MAGI2: variants seen among roughly 807,000 people sequenced by gnomAD.
MAGI2 encodes the protein membrane associated guanylate kinase, WW and PDZ domain containing 2, also known as membrane-associated guanylate kinase, WW and PDZ domain-containing protein 2.
In MAGI2, 35 loss-of-function variants were observed where a neutral mutation model predicts 133.3. That is an observed-to-expected ratio of 0.26 (90% CI 0.20 to 0.35). The LOEUF (loss-of-function observed/expected upper bound fraction) is 0.35. MAGI2 is among the 10% of genes least tolerant of loss of function. MAGI2 has a pLI of 1.00. For synonymous variants in MAGI2, 729 were observed against 710.6 expected, an observed-to-expected ratio of 1.03 and a Z score of -0.41; for missense variants, 1,636 against 1,863.4, an observed-to-expected ratio of 0.88 and a Z score of 2.25.
chr7:78,846,972 A>G (rs1792673212), intron 2 of MAGI2, among the ~76,000 whole-genome samples: 1 of 151,930 alleles, frequency 6.6e-6, no homozygotes, highest in South Asian at 2.1e-4. Context: ...TCCCAACCCC[A>G]ACTTTCTCCC....
intron 1 of MAGI2, among the ~76,000 whole-genome samples, chr7:79,252,060 G>T (rs938895957): frequency 6.7e-6 from 1 of 149,656 alleles, no homozygotes; most frequent in African/African-American, 2.5e-5. Context: ...ATGATGCTGA[G>T]ATGGGAGGAT....
intron 2 of MAGI2, among the ~76,000 whole-genome samples, chr7:78,841,477 G>T (rs1330497): frequency 0.22 from 33,431 of 151,688 alleles, 4,129 homozygotes; most frequent in South Asian, 0.45. Flanking sequence ...CACTGTTTCT[G>T]GGAGATCTCA....
At chr7:78,373,401 C>T (rs1478719555) in intron 6 of MAGI2, among the ~76,000 whole-genome samples, 1 of 152,072 alleles carries the variant, frequency 6.6e-6, no homozygotes, top group Non-Finnish European at 1.5e-5. Context: ...ATGTTAATTT[C>T]CTGGGTTCAA....
intron 2 of MAGI2, among the ~76,000 whole-genome samples, chr7:78,699,372 A>C (rs1025515325): frequency 2.0e-5 from 3 of 152,170 alleles, no homozygotes; most frequent in Non-Finnish European, 4.4e-5. Flanking sequence ...AAGTGCTGGG[A>C]TTACTAGTGT....
intron 6 of MAGI2, chr7:78,486,827 C>A: frequency 2.2e-6 from 1 of 460,120 alleles, no homozygotes; most frequent in South Asian, 1.7e-5. Context: ...ATTGCTGTCC[C>A]TGAGCTCGAC....
intron 1 of MAGI2, among the ~76,000 whole-genome samples, chr7:79,310,181 A>AAC (rs1838162153): frequency 7.2e-6 from 1 of 138,156 alleles, no homozygotes; most frequent in Admixed American, 7.0e-5. Context: ...AAAAAAAAAA[A>AAC]AAAAAAAAAA....
chr7:79,010,777 A>C (rs1342073799), intron 1 of MAGI2: 1 of 152,128 alleles, frequency 6.6e-6, no homozygotes, highest in Non-Finnish European at 1.5e-5. Flanking sequence ...AGTTATGTGA[A>C]AAAAATTTTA....
At chr7:78,166,870 A>G (rs987761380) in intron 15 of MAGI2, among the ~76,000 whole-genome samples, 5 of 152,162 alleles carry the variant, frequency 3.3e-5, no homozygotes, top group Non-Finnish European at 7.4e-5. Flanking sequence ...AACATAAAGA[A>G]ATAAGCACTG....
chr7:78,706,754 A>G (rs1172537793), intron 2 of MAGI2, among the ~76,000 whole-genome samples: 4 of 152,124 alleles, frequency 2.6e-5, no homozygotes, highest in African/African-American at 9.7e-5. Context: ...TGGCAAAGGT[A>G]GTGAAACTGC....
intron 2 of MAGI2, among the ~76,000 whole-genome samples, chr7:78,888,512 G>A (rs1169499617): frequency 6.6e-6 from 1 of 152,162 alleles, no homozygotes; most frequent in Non-Finnish European, 1.5e-5. Flanking sequence ...ACATGGCCGG[G>A]TACTCCTCTG....
intron 14 of MAGI2, among the ~76,000 whole-genome samples, chr7:78,174,555 T>G (rs1213926378): frequency 6.6e-6 from 1 of 152,210 alleles, no homozygotes; most frequent in East Asian, 1.9e-4. Flanking sequence ...CATAAATAAT[T>G]TGGTCTCAGC....
intron 6 of MAGI2, among the ~76,000 whole-genome samples, chr7:78,417,392 A>T (rs1171222267): frequency 6.6e-6 from 1 of 151,952 alleles, no homozygotes; most frequent in Non-Finnish European, 1.5e-5. Flanking sequence ...AGGAATTCAC[A>T]TTCACAGATC....
At chr7:78,469,071 G>A (rs567131494) in intron 6 of MAGI2, among the ~76,000 whole-genome samples, 5 of 152,020 alleles carry the variant, frequency 3.3e-5, no homozygotes, top group Admixed American at 6.6e-5. Context: ...AATCGTCTGG[G>A]GAACTTCATA....
intron 1 of MAGI2, among the ~76,000 whole-genome samples, chr7:79,266,296 A>G (rs990551562): frequency 2.3e-5 from 3 of 132,242 alleles, no homozygotes; most frequent in South Asian, 4.9e-4. Context: ...AAAAGTCTTC[A>G]TATACTAACG....
chr7:79,317,828 C>T (rs17152233), intron 1 of MAGI2, among the ~76,000 whole-genome samples: 5,341 of 151,696 alleles, frequency 0.035, 295 homozygotes, highest in African/African-American at 0.12. Flanking sequence ...ATGACTCATC[C>T]TCCTTTGCAT....
At chr7:78,654,713 A>G (rs1284404282) in intron 2 of MAGI2, among the ~76,000 whole-genome samples, 577 of 9,028 alleles carry the variant, frequency 0.064, 9 homozygotes, top group African/African-American at 0.13. Flanking sequence ...GTATATATAT[A>G]TATATATATA....
intron 1 of MAGI2, among the ~76,000 whole-genome samples, chr7:79,228,354 C>CAAGAAAAAAAAAAAAAAAAA (rs1831046666): frequency 3.2e-5 from 1 of 31,438 alleles, no homozygotes; most frequent in Non-Finnish European, 7.9e-5. Flanking sequence ...AAAAAACAGG[C>CAAGAAAAAAAAAAAAAAAAA]AAAAAAAAAA....
At chr7:78,703,739 A>C (rs568217278) in intron 2 of MAGI2, among the ~76,000 whole-genome samples, 66 of 152,138 alleles carry the variant, frequency 4.3e-4, no homozygotes, top group African/African-American at 1.3e-3. Context: ...AACTTAGTTT[A>C]TATACCATGC....
chr7:79,447,453 G>A (rs980422597), intron 1 of MAGI2, among the ~76,000 whole-genome samples: 32 of 152,018 alleles, frequency 2.1e-4, no homozygotes, highest in African/African-American at 7.7e-4. Flanking sequence ...GAGATTTTTA[G>A]AAATTAATAC....
Sources: gnomAD v4.1 joint callset for allele counts (sites outside exome capture counted in the v4.1 genomes callset) on GRCh38, gnomAD v4.1.1 for gene constraint, MANE v1.5 for transcripts, NCBI Gene and HGNC (gene_info 2026-07-23, HGNC 2026-07-21) for gene names.